RNF6: variants seen among roughly 807,000 people sequenced by gnomAD.
RNF6 encodes E3 ubiquitin-protein ligase RNF6.
A neutral mutation model predicts 50.1 loss-of-function variants in RNF6; 21 were observed. The observed-to-expected ratio is 0.42, with a 90% CI of 0.30 to 0.60. The LOEUF (loss-of-function observed/expected upper bound fraction) is 0.60. RNF6 is among the 20% of genes least tolerant of loss of function. The pLI is 0.20. For missense variants in RNF6, 698 were observed against 838.2 expected (o/e 0.83, Z 2.07); for synonymous variants, 255 against 291.8 (o/e 0.87, Z 1.29).
chr13:26,163,106 C>T (rs1376025137), intron 5 of RNF6, among the ~76,000 whole-genome samples: 1 of 151,024 alleles, frequency 6.6e-6, no homozygotes, highest in Non-Finnish European at 1.5e-5. Flanking sequence ...GTCAGGAGAT[C>T]GAGACCATCC....
chr13:26,163,783 G>T (rs1198739373), intron 5 of RNF6, among the ~76,000 whole-genome samples: 1 of 152,092 alleles, frequency 6.6e-6, no homozygotes, highest in Non-Finnish European at 1.5e-5. Context: ...AGAGGCTCTG[G>T]GTACTAACAT....
chr13:26,218,608 TA>T lies in RNF6; in HGVS notation c.194-3del. ...GCAGTTCTTCTGATGTTATTTCTCC[TA>T]AAACAATGAAAAACTGCTCATTTAA... On this transcript the variant is annotated splice_region_variant and splice_polypyrimidine_tract_variant and intron_variant, in intron 3 of 4. Transcript: ENST00000381588. 2 of 1,612,642 alleles carry T rather than the reference TA, an allele frequency of 1.2e-6. No individual in the cohort carries two copies. The highest frequency in any genetic ancestry group is 1.7e-6 in the Non-Finnish European group (2 of 1,178,848).
chr13:26,141,256 C>T (rs764953232), intron 5 of RNF6, among the ~76,000 whole-genome samples: 4 of 151,874 alleles, frequency 2.6e-5, no homozygotes, highest in Non-Finnish European at 5.9e-5. Flanking sequence ...AGTGATACCC[C>T]ATCTCTACTA....
rs1394916990 is a variant in RNF6 at position 26,213,823 on chromosome 13, C to T, written c.*1G>A. The T allele has an allele frequency of 6.3e-7, 1 of 1,598,586 alleles. No individual in the cohort carries two copies. Among genetic ancestry groups the T allele is most frequent in the African/African-American group, 1.3e-5 (1 of 74,748 alleles). On this transcript the variant is annotated 3_prime_UTR_variant, in exon 5 of 5. Coordinates refer to ENST00000381588, the MANE Select transcript of RNF6 (RefSeq NM_005977.4). ...ACAGTATTTGAGTAGATCCCATCAC[C>T]TTACCCATTGTTTGCTATGTTAGAC... is the stretch of plus-strand genomic sequence containing the variant.
chr13:26,188,623 C>CTTTTTGTTTT (rs1873666439), intron 5 of RNF6, among the ~76,000 whole-genome samples: 2 of 43,258 alleles, frequency 4.6e-5, no homozygotes, highest in Non-Finnish European at 7.8e-5. Flanking sequence ...GTCAAAAGAG[C>CTTTTTGTTTT]TTTTTTTTTT....
rs1226264194 is a variant in RNF6 at position 26,172,645 on chromosome 13, G to A, written n.769-40194C>T. 3.3e-5 allele frequency among the ~76,000 whole-genome samples: 5 copies of A among 151,674 alleles called. No homozygotes were observed. The East Asian group carries it at 5.8e-4, about 18-fold the overall frequency. ...GGAAAGCTCTGCCTGCCGGGTTCAC[G>A]CCATTGTCCTGCCTCAGCCTCCCGA... On this transcript the variant is annotated intron_variant and non_coding_transcript_variant, in intron 5 of 5. Transcript: ENST00000468480.
rs1206378195 is a variant in RNF6 at position 26,178,096 on chromosome 13, G to A, written n.768+37378C>T. On this transcript the variant is annotated intron_variant and non_coding_transcript_variant, in intron 5 of 5. Coordinates refer to the RNF6 transcript ENST00000468480. The stretch of plus-strand genomic sequence containing the variant: ...CCCAGCTACTCAGGAGGCTGAGGTG[G>A]GAGAATCGCTTGAACCTGGGAGGCA... Among the ~76,000 whole-genome samples, 3 of 152,160 alleles carry A rather than the reference G, an allele frequency of 2.0e-5. No homozygotes were observed. The South Asian group carries it at 6.2e-4, about 32-fold the overall frequency.
chr13:26,138,313 G>C (rs1327305931), intron 5 of RNF6, among the ~76,000 whole-genome samples: 1 of 152,098 alleles, frequency 6.6e-6, no homozygotes, highest in African/African-American at 2.4e-5. Flanking sequence ...AAAACTGAGA[G>C]ACGTTGTCAC....
intron 5 of RNF6, among the ~76,000 whole-genome samples, chr13:26,174,203 G>A (rs1393560256): frequency 6.6e-6 from 1 of 152,040 alleles, no homozygotes; most frequent in African/African-American, 2.4e-5. Context: ...TCAGGCCACT[G>A]ATTTCATCCT....
At chr13:26,206,377 C>T (rs1869109722) in intron 5 of RNF6, among the ~76,000 whole-genome samples, 1 of 152,320 alleles carries the variant, frequency 6.6e-6, no homozygotes, top group Admixed American at 6.5e-5. Flanking sequence ...GTGTCTGCAG[C>T]AGGCTGTCGA....
At chr13:26,172,184 C>A (rs141259432) in intron 5 of RNF6, among the ~76,000 whole-genome samples, 1 of 152,122 alleles carries the variant, frequency 6.6e-6, no homozygotes. Context: ...AATCTACATA[C>A]GCAGCCTGGT....
intron 5 of RNF6, among the ~76,000 whole-genome samples, chr13:26,175,769 G>A (rs1322821257): frequency 2.6e-5 from 4 of 152,108 alleles, no homozygotes; most frequent in Admixed American, 2.6e-4. Flanking sequence ...ACGCAAGTGT[G>A]CACTTCCAAG....
At chr13:26,180,634 T>A (rs1311780493) in intron 5 of RNF6, among the ~76,000 whole-genome samples, 1 of 152,220 alleles carries the variant, frequency 6.6e-6, no homozygotes, top group Non-Finnish European at 1.5e-5. Context: ...ATGTTTAAAG[T>A]CTGTCTCTGA....
rs1566445015 is a variant in RNF6 at position 26,219,585 on chromosome 13, T to C, written c.65A>G (p.His22Arg). ...CTGCCATCTTCTCTCATTTTCATGA[T>C]GATTATGGTCTTGAGGTAAGGTTTC... ...SEETLPQDHN[H>R]HENERRWQQE... The change falls in exon 3 of 5, where the codon CAT becomes CGT. Residue 22 changes from histidine to arginine, a missense_variant. By Grantham distance (29) the His-to-Arg change is conservative. Transcript: ENST00000381588. 2 of 1,613,946 alleles carry C rather than the reference T, an allele frequency of 1.2e-6. No homozygotes were observed. The highest frequency in any genetic ancestry group is 1.7e-6 in the Non-Finnish European group (2 of 1,179,966).
chr13:26,217,363 T>C (rs1593198967), intron 4 of RNF6, among the ~76,000 whole-genome samples: 1 of 152,356 alleles, frequency 6.6e-6, no homozygotes, highest in African/African-American at 2.4e-5. Context: ...TGATGGTGCA[T>C]GTGAAAGAGT....
chr13:26,166,599 T>C (rs529653562), intron 5 of RNF6, among the ~76,000 whole-genome samples: 22 of 152,148 alleles, frequency 1.4e-4, no homozygotes, highest in Non-Finnish European at 1.9e-4. Flanking sequence ...GCAATCTCAT[T>C]CACTCTTGCC....
At chr13:26,148,632 T>TTTTATATATA (rs1555314571) in intron 5 of RNF6, among the ~76,000 whole-genome samples, 21 of 47,066 alleles carry the variant, frequency 4.5e-4, no homozygotes, top group African/African-American at 1.7e-3. Context: ...ATAAATCTCT[T>TTTTATATATA]TATATATATA....
At chr13:26,170,060 T>C (rs545810012) in intron 5 of RNF6, among the ~76,000 whole-genome samples, 13 of 152,312 alleles carry the variant, frequency 8.5e-5, no homozygotes, top group Admixed American at 3.3e-4. Flanking sequence ...TGATGACAAA[T>C]AGAGGTCAGG....
At chr13:26,192,480 T>G (rs902532176) in intron 5 of RNF6, among the ~76,000 whole-genome samples, 1 of 152,220 alleles carries the variant, frequency 6.6e-6, no homozygotes, top group African/African-American at 2.4e-5. Context: ...TGTGTAATAG[T>G]CTTCCCTTGA....
Sources: allele counts gnomAD v4.1 joint callset (sites outside exome capture counted in the v4.1 genomes callset), GRCh38; gene constraint gnomAD v4.1.1; transcripts MANE v1.5; gene names NCBI Gene and HGNC (gene_info 2026-07-23, HGNC 2026-07-21).